LIN9: variants seen among roughly 807,000 people sequenced by gnomAD.
LIN9 encodes the protein protein lin-9 homolog.
Under a neutral mutation model 78.0 loss-of-function variants are expected in LIN9, and 18 were observed. The ratio of observed to expected loss-of-function variants is 0.23; its 90% CI spans 0.16 to 0.34. The LOEUF (loss-of-function observed/expected upper bound fraction) is 0.34, where lower values mean the gene tolerates loss of function less well. Among genes scored for constraint, LIN9 ranks in the 10% least tolerant of loss-of-function variants. LIN9 has a pLI of 1.00. For synonymous variants in LIN9, 192 were observed against 215.2 expected (o/e 0.89, Z 0.94); for missense variants, 451 against 644.1 (o/e 0.70, Z 3.25).
intron 2 of LIN9, among the ~76,000 whole-genome samples, chr1:226,299,826 AGT>A (rs1463853686): frequency 6.6e-6 from 1 of 152,194 alleles, no homozygotes; most frequent in East Asian, 1.9e-4. Context: ...CAAAAGAAAT[AGT>A]GAGACCAAGG....
chr1:226,239,383 T>G (rs1231169530), intron 11 of LIN9, among the ~76,000 whole-genome samples: 1 of 152,214 alleles, frequency 6.6e-6, no homozygotes, highest in East Asian at 1.9e-4. Flanking sequence ...GTAAGCAATG[T>G]TCGTTATATT....
Position 226,232,457 on chromosome 1 carries a change from C to T in LIN9, c.*44G>A. ...AAGCCTATATAAAGGAAAAGAACTT[C>T]TCAAAAACAATGTCCCGTGCAGTTG... On this transcript the variant is annotated 3_prime_UTR_variant, in exon 15 of 15. Transcript: ENST00000681046. The T allele has an allele frequency of 7.6e-7, 1 of 1,323,828 alleles. No individual in the cohort carries two copies. 82.0% of individuals were successfully genotyped at this position (1,323,828 alleles called of 1,614,324 possible).
chr1:226,282,539 G>A (rs188379638), intron 6 of LIN9, among the ~76,000 whole-genome samples: 19 of 152,264 alleles, frequency 1.2e-4, no homozygotes, highest in Non-Finnish European at 2.8e-4. Context: ...GCAGTATCTC[G>A]GCCGGGCGCG....
intron 11 of LIN9, among the ~76,000 whole-genome samples, chr1:226,241,012 A>G (rs1435946048): frequency 6.6e-6 from 1 of 152,218 alleles, no homozygotes; most frequent in Non-Finnish European, 1.5e-5. Flanking sequence ...ATCAGTTAGA[A>G]TTCCTCTGCT....
chr1:226,237,347 A>G (rs957304499), intron 12 of LIN9, among the ~76,000 whole-genome samples: 2 of 152,232 alleles, frequency 1.3e-5, no homozygotes, highest in Middle Eastern at 3.4e-3. Flanking sequence ...TAAAAATCTG[A>G]TATTGCTGGG....
intron 1 of LIN9, among the ~76,000 whole-genome samples, chr1:226,302,691 TTAAA>T (rs1371269644): frequency 6.6e-6 from 1 of 151,992 alleles, no homozygotes; most frequent in Non-Finnish European, 1.5e-5. Context: ...TCTCAGGGGA[TTAAA>T]TAAAAAAGAA....
intron 4 of LIN9, among the ~76,000 whole-genome samples, chr1:226,292,951 T>C (rs1023362308): frequency 7.9e-5 from 12 of 152,208 alleles, no homozygotes; most frequent in African/African-American, 2.9e-4. Flanking sequence ...ACCTATCTCA[T>C]AGGAGTTGTT....
chr1:226,243,492 C>G (rs776631004), intron 11 of LIN9, among the ~76,000 whole-genome samples: 16 of 152,124 alleles, frequency 1.1e-4, no homozygotes, highest in Middle Eastern at 6.8e-3. Context: ...GTCAGGAGTT[C>G]GAGACCAGCC....
intron 12 of LIN9, among the ~76,000 whole-genome samples, chr1:226,234,525 C>T (rs920779020): frequency 3.9e-5 from 6 of 152,138 alleles, no homozygotes; most frequent in Non-Finnish European, 5.9e-5. Flanking sequence ...CTTTTTGACA[C>T]GTCCCCGTAA....
Position 226,287,835 on chromosome 1 carries a change from T to A in LIN9, c.265-38A>T, listed in dbSNP as rs773370517. On this transcript the variant is annotated intron_variant, in intron 4 of 14. Coordinates refer to ENST00000681046, the MANE Select transcript of LIN9 (RefSeq NM_001366245.2). ...AAAAAGAGATTAATTTATGGCTCCA[T>A]TAAGTAAAAATGAACATTTATAACC... 12 of 1,447,342 alleles carry A rather than the reference T, an allele frequency of 8.3e-6. No individual in the cohort carries two copies. In the East Asian group the frequency reaches 3.1e-4, roughly 38 times the overall value. 89.7% of individuals were successfully genotyped at this position (1,447,342 alleles called of 1,614,324 possible).
At chr1:226,255,560 A>G (rs953651122) in intron 10 of LIN9, among the ~76,000 whole-genome samples, 1 of 152,206 alleles carries the variant, frequency 6.6e-6, no homozygotes, top group African/African-American at 2.4e-5. Context: ...AAAAAAAAAC[A>G]TAGTTTGAAG....
At chr1:226,242,121 C>A (rs912460464) in intron 11 of LIN9, among the ~76,000 whole-genome samples, 4 of 152,076 alleles carry the variant, frequency 2.6e-5, no homozygotes, top group Admixed American at 6.6e-5. Context: ...ACAAGAATGA[C>A]CAAACCAATT....
At chr1:226,309,614 T>G, upstream of LIN9, 1 of 1,259,068 alleles carries the variant, frequency 7.9e-7, no homozygotes, top group Non-Finnish European at 1.0e-6. Context: ...CTACGCAAAG[T>G]GAAATACTCA....
At position 226,231,624 on chromosome 1, in the gene LIN9, C is replaced by A. The variant is rs1406496252; in HGVS notation, c.*877G>T. On this transcript the variant is annotated 3_prime_UTR_variant, in exon 15 of 15. Transcript: ENST00000681046. ...ATTATATTTGTTTTCCTTATAAAAT[C>A]TTTTTACTTTATAAATTGTGTACTG... 1 of 152,356 alleles carries A rather than the reference C, an allele frequency of 6.6e-6. No homozygotes were observed. The highest frequency in any genetic ancestry group is 6.6e-5 in the Admixed American group (1 of 15,258). The allele number at this position is 152,356 out of a possible 1,614,324, so 9.4% of individuals were successfully genotyped here. A position where few individuals can be genotyped will look rare whatever the true frequency, so the allele number is the denominator to read the frequency against.
intron 4 of LIN9, among the ~76,000 whole-genome samples, chr1:226,292,316 C>T (rs562073698): frequency 6.6e-6 from 1 of 152,234 alleles, no homozygotes; most frequent in African/African-American, 2.4e-5. Flanking sequence ...GTGTGCACCA[C>T]ACCCAGCTAA....
chr1:226,244,329 G>T (rs891329697), intron 11 of LIN9, among the ~76,000 whole-genome samples: 1 of 152,214 alleles, frequency 6.6e-6, no homozygotes, highest in African/African-American at 2.4e-5. Flanking sequence ...CTACTCGGGA[G>T]GCTGAGGCAG....
At chr1:226,300,331 C>G (rs1218849074) in intron 2 of LIN9, among the ~76,000 whole-genome samples, 1 of 151,760 alleles carries the variant, frequency 6.6e-6, no homozygotes, top group Non-Finnish European at 1.5e-5. Context: ...CAGCAGGATC[C>G]CTTGAGCCCA....
At chr1:226,303,422 G>A (rs190393589) in intron 1 of LIN9, among the ~76,000 whole-genome samples, 1 of 152,176 alleles carries the variant, frequency 6.6e-6, no homozygotes, top group East Asian at 1.9e-4. Context: ...ATGGAGGGAA[G>A]GAAAACTATT....
intron 10 of LIN9, among the ~76,000 whole-genome samples, chr1:226,255,077 T>C (rs377237097): frequency 9.9e-5 from 15 of 152,062 alleles, no homozygotes; most frequent in African/African-American, 3.6e-4. Flanking sequence ...AACCAGTGCT[T>C]GGGTAGGGAA....
Sources: allele counts gnomAD v4.1 joint callset (sites outside exome capture counted in the v4.1 genomes callset), GRCh38; gene constraint gnomAD v4.1.1; transcripts MANE v1.5; gene names NCBI Gene and HGNC (gene_info 2026-07-23, HGNC 2026-07-21).